The following OPCML variants were observed in gnomAD, a reference collection of about 807,000 sequenced individuals.
OPCML encodes the protein opioid-binding protein/cell adhesion molecule.
Under a neutral mutation model 37.8 loss-of-function variants are expected in OPCML, and 13 were observed. The observed-to-expected ratio is 0.34, with a 90% CI of 0.22 to 0.55. OPCML has a LOEUF of 0.55. Among genes scored for constraint, OPCML ranks in the 20% least tolerant of loss-of-function variants. The pLI is 0.91. For missense variants in OPCML, 341 were observed against 435.6 expected, an observed-to-expected ratio of 0.78 and a Z score of 1.93; for synonymous variants, 176 against 168.8, an observed-to-expected ratio of 1.04 and a Z score of -0.33.
intron 1 of OPCML, among the ~76,000 whole-genome samples, chr11:133,339,739 C>G (rs1435951602): frequency 6.6e-6 from 1 of 152,146 alleles, no homozygotes; most frequent in Non-Finnish European, 1.5e-5. Context: ...GTGCTGGGCT[C>G]CTGTTGTTCT....
intron 1 of OPCML, chr11:133,005,483 G>A (rs1947091537): frequency 3.0e-6 from 3 of 985,250 alleles, no homozygotes; most frequent in African/African-American, 1.7e-5. Flanking sequence ...TCTGTAGGGA[G>A]GTAGGGCAGG....
chr11:133,284,618 C>T (rs1351776072), intron 1 of OPCML, among the ~76,000 whole-genome samples: 10 of 152,102 alleles, frequency 6.6e-5, no homozygotes, highest in Admixed American at 2.0e-4. Context: ...ATTTACCTGG[C>T]GTTTTACTTA....
chr11:132,840,849 C>A (rs980207363), intron 2 of OPCML, among the ~76,000 whole-genome samples: 90 of 152,118 alleles, frequency 5.9e-4, no homozygotes, highest in African/African-American at 2.1e-3. Context: ...CTGAAAAAAA[C>A]CCCACACAGC....
chr11:133,417,574 G>A (rs1945795489), intron 1 of OPCML, among the ~76,000 whole-genome samples: 1 of 151,884 alleles, frequency 6.6e-6, no homozygotes, highest in African/African-American at 2.4e-5. Context: ...ATGTTGGTGT[G>A]CTGCACCCAT....
chr11:133,140,182 G>A (rs1301992305), intron 1 of OPCML, among the ~76,000 whole-genome samples: 4 of 56,914 alleles, frequency 7.0e-5, no homozygotes, highest in South Asian at 8.2e-4. Flanking sequence ...GTGAGACTCC[G>A]TCTCAATAAT....
chr11:132,870,436 G>A (rs997653593), intron 2 of OPCML, among the ~76,000 whole-genome samples: 1 of 152,058 alleles, frequency 6.6e-6, no homozygotes, highest in African/African-American at 2.4e-5. Flanking sequence ...GGCCATTATG[G>A]AAAACAGGAT....
intron 3 of OPCML, among the ~76,000 whole-genome samples, chr11:132,595,569 C>T (rs1752239499): frequency 6.6e-6 from 1 of 152,146 alleles, no homozygotes; most frequent in South Asian, 2.1e-4. Flanking sequence ...AACTACTGCA[C>T]TGGAAAGGTA....
At chr11:133,283,109 T>C (rs1021828473) in intron 1 of OPCML, among the ~76,000 whole-genome samples, 1 of 152,152 alleles carries the variant, frequency 6.6e-6, no homozygotes, top group Non-Finnish European at 1.5e-5. Context: ...GAGGTGACTG[T>C]ATTTTGCAAT....
chr11:132,619,387 A>G (rs1386488576), intron 3 of OPCML, among the ~76,000 whole-genome samples: 1 of 152,150 alleles, frequency 6.6e-6, no homozygotes, highest in Non-Finnish European at 1.5e-5. Flanking sequence ...TATGTTCACT[A>G]TTTTATTTCT....
At chr11:132,437,773 A>T (rs1402696033) in intron 4 of OPCML, among the ~76,000 whole-genome samples, 2 of 152,240 alleles carry the variant, frequency 1.3e-5, no homozygotes, top group African/African-American at 4.8e-5. Context: ...TGTGGAGCAC[A>T]TCTTAATTTT....
chr11:132,897,548 G>A (rs1040828265), intron 2 of OPCML, among the ~76,000 whole-genome samples: 1 of 152,204 alleles, frequency 6.6e-6, no homozygotes, highest in Non-Finnish European at 1.5e-5. Context: ...GCCTTATGGG[G>A]AGTCCTCATG....
chr11:133,389,748 G>T (rs1945129099), intron 1 of OPCML, among the ~76,000 whole-genome samples: 1 of 152,166 alleles, frequency 6.6e-6, no homozygotes, highest in East Asian at 1.9e-4. Flanking sequence ...ATGGTCTTCT[G>T]TGCTAGACTT....
chr11:133,046,640 G>T (rs1273319102), intron 1 of OPCML, among the ~76,000 whole-genome samples: 1 of 152,158 alleles, frequency 6.6e-6, no homozygotes, highest in Non-Finnish European at 1.5e-5. Flanking sequence ...ATAGCCCCTG[G>T]CATGTGGGGT....
intron 4 of OPCML, among the ~76,000 whole-genome samples, chr11:132,508,234 A>G (rs1171157556): frequency 6.6e-6 from 1 of 152,258 alleles, no homozygotes. Context: ...TTATGAGGCC[A>G]GAATTACTGA....
intron 1 of OPCML, among the ~76,000 whole-genome samples, chr11:133,135,832 T>C (rs1949681183): frequency 6.6e-6 from 1 of 152,202 alleles, no homozygotes; most frequent in Non-Finnish European, 1.5e-5. Flanking sequence ...GTAGGCTTCT[T>C]TATTTTATTT....
At position 133,446,552 on chromosome 11, in the gene OPCML, G is replaced by A. The variant is rs117296642; in HGVS notation, c.61+85712C>T. On this transcript the variant is annotated intron_variant, in intron 1 of 7. Coordinates refer to ENST00000524381, the MANE Select transcript of OPCML (RefSeq NM_001012393.5). ...GGATCCTCCCACCTTGGCCTCCCGA[G>A]TTGCTGGGACTATAGGCGTGCACCA... Among the ~76,000 whole-genome samples, 9 of 152,260 alleles carry A rather than the reference G, an allele frequency of 5.9e-5. No homozygotes were observed. The East Asian group carries it at 1.2e-3, about 20-fold the overall frequency.
intron 3 of OPCML, among the ~76,000 whole-genome samples, chr11:132,558,466 A>C (rs959214616): frequency 1.6e-3 from 21 of 12,938 alleles, no homozygotes; most frequent in African/African-American, 2.6e-3. Flanking sequence ...CGTCCTCCCC[A>C]TCCTGTCCTC....
chr11:132,836,818 G>A (rs1941025969), intron 2 of OPCML, among the ~76,000 whole-genome samples: 1 of 152,128 alleles, frequency 6.6e-6, no homozygotes, highest in Non-Finnish European at 1.5e-5. Context: ...AAAAGAGCAG[G>A]GGGTGGTGCT....
chr11:133,209,421 G>T (rs867969002), intron 1 of OPCML, among the ~76,000 whole-genome samples: 1 of 152,100 alleles, frequency 6.6e-6, no homozygotes, highest in Non-Finnish European at 1.5e-5. Context: ...AATTAAGTTC[G>T]AAAATAGAAA....
Sources: gnomAD v4.1 joint callset for allele counts (sites outside exome capture counted in the v4.1 genomes callset) on GRCh38, gnomAD v4.1.1 for gene constraint, MANE v1.5 for transcripts, NCBI Gene and HGNC (gene_info 2026-07-23, HGNC 2026-07-21) for gene names.